NEGR1: variants seen among roughly 807,000 people sequenced by gnomAD.
NEGR1 encodes neuronal growth regulator 1.
NEGR1 carries 10 observed loss-of-function variants against 40.9 expected under a neutral mutation model. The ratio of observed to expected loss-of-function variants is 0.24; its 90% confidence interval spans 0.15 to 0.42. The LOEUF is 0.42. NEGR1 is among the 10% of genes least tolerant of loss of function. The probability of loss-of-function intolerance (pLI) is 1.00; values close to 1 mark genes in which losing one functional copy is unlikely to be tolerated. For missense variants in NEGR1, 352 were observed against 438.9 expected, an observed-to-expected ratio of 0.80 and a Z score of 1.77; for synonymous variants, 185 against 166.8, an observed-to-expected ratio of 1.11 and a Z score of -0.84.
intron 1 of NEGR1, among the ~76,000 whole-genome samples, chr1:72,081,046 G>A (rs1360050058): frequency 1.3e-5 from 2 of 152,172 alleles, no homozygotes; most frequent in Non-Finnish European, 2.9e-5. Context: ...TAGAAGTTTT[G>A]TGAGGCTGTA....
At chr1:72,216,157 A>G (rs547579694) in intron 1 of NEGR1, among the ~76,000 whole-genome samples, 2 of 151,850 alleles carry the variant, frequency 1.3e-5, no homozygotes, top group African/African-American at 4.8e-5. Context: ...AAGTCGTACA[A>G]CGAGAATGCT....
intron 2 of NEGR1, among the ~76,000 whole-genome samples, chr1:71,862,021 A>G (rs1040157677): frequency 5.9e-5 from 9 of 152,080 alleles, no homozygotes; most frequent in Non-Finnish European, 2.9e-5. Context: ...AAGACACAAT[A>G]TTTCTTAATG....
At chr1:71,510,223 T>G (rs1647063620) in intron 6 of NEGR1, among the ~76,000 whole-genome samples, 1 of 152,198 alleles carries the variant, frequency 6.6e-6, no homozygotes, top group Non-Finnish European at 1.5e-5. Flanking sequence ...GCACAGAGAT[T>G]AATTAAAACA....
chr1:71,522,830 T>C (rs1647169890), intron 6 of NEGR1, among the ~76,000 whole-genome samples: 1 of 151,416 alleles, frequency 6.6e-6, no homozygotes, highest in Admixed American at 6.6e-5. Context: ...GCTTGCCTAA[T>C]AACTGTAATG....
chr1:71,569,379 G>C (rs1648740025), intron 6 of NEGR1, among the ~76,000 whole-genome samples: 1 of 152,080 alleles, frequency 6.6e-6, no homozygotes, highest in African/African-American at 2.4e-5. Flanking sequence ...TGAAAGAATG[G>C]GAAAGAAGGA....
chr1:72,093,659 T>A (rs2100547818), intron 1 of NEGR1, among the ~76,000 whole-genome samples: 1 of 152,318 alleles, frequency 6.6e-6, no homozygotes, highest in East Asian at 1.9e-4. Context: ...TTCTTTTTTT[T>A]AACCTAGAAA....
At chr1:72,189,133 A>G (rs2821291) in intron 1 of NEGR1, among the ~76,000 whole-genome samples, 3,316 of 151,524 alleles carry the variant, frequency 0.022, 54 homozygotes, top group African/African-American at 0.032. Flanking sequence ...TCAAATGATA[A>G]ATTGCACTTT....
At chr1:71,476,262 T>G (rs1267395538) in intron 6 of NEGR1, among the ~76,000 whole-genome samples, 1 of 152,132 alleles carries the variant, frequency 6.6e-6, no homozygotes, top group African/African-American at 2.4e-5. Flanking sequence ...TTTAAAAGAT[T>G]GTAGAATTAT....
At chr1:71,807,864 ATT>A in intron 2 of NEGR1, among the ~76,000 whole-genome samples, 1 of 152,210 alleles carries the variant, frequency 6.6e-6, no homozygotes, top group African/African-American at 2.4e-5. Flanking sequence ...ATTCTTTTTT[ATT>A]TACTTCTGTT....
At chr1:71,564,372 G>A (rs948182100) in intron 6 of NEGR1, among the ~76,000 whole-genome samples, 1 of 152,024 alleles carries the variant, frequency 6.6e-6, no homozygotes, top group Middle Eastern at 3.2e-3. Flanking sequence ...GTTAAGTAGT[G>A]GATTAAGGAT....
intron 2 of NEGR1, among the ~76,000 whole-genome samples, chr1:71,852,407 C>T (rs1017716822): frequency 2.6e-5 from 4 of 152,036 alleles, no homozygotes; most frequent in Non-Finnish European, 5.9e-5. Flanking sequence ...TTTCATCAAA[C>T]ATTAAAAAAC....
At chr1:72,145,593 G>T (rs1356539385) in intron 1 of NEGR1, among the ~76,000 whole-genome samples, 1 of 152,064 alleles carries the variant, frequency 6.6e-6, no homozygotes, top group African/African-American at 2.4e-5. Context: ...GTTAAGTATG[G>T]TTGGACTAGG....
At chr1:71,450,481 G>A (rs1214310890) in intron 6 of NEGR1, among the ~76,000 whole-genome samples, 1 of 152,086 alleles carries the variant, frequency 6.6e-6, no homozygotes, top group Non-Finnish European at 1.5e-5. Context: ...GAGATTTAAT[G>A]TTAATAGTGG....
At chr1:72,195,707 C>G (rs912528991) in intron 1 of NEGR1, among the ~76,000 whole-genome samples, 2 of 151,588 alleles carry the variant, frequency 1.3e-5, no homozygotes, top group Middle Eastern at 3.2e-3. Context: ...ATCCAGGGAC[C>G]ATATCCAATG....
chr1:71,414,244 G>C (rs1275790865), intron 6 of NEGR1, among the ~76,000 whole-genome samples: 2 of 152,122 alleles, frequency 1.3e-5, no homozygotes, highest in East Asian at 3.9e-4. Flanking sequence ...AGATCCAATT[G>C]ACAGTGTGAT....
At chr1:71,450,136 G>A (rs1646615480) in intron 6 of NEGR1, among the ~76,000 whole-genome samples, 1 of 151,746 alleles carries the variant, frequency 6.6e-6, no homozygotes, top group Non-Finnish European at 1.5e-5. Flanking sequence ...GATTACATGG[G>A]CGTGCCACCA....
chr1:71,520,186 T>C (rs910583663), intron 6 of NEGR1, among the ~76,000 whole-genome samples: 5 of 152,000 alleles, frequency 3.3e-5, no homozygotes, highest in Admixed American at 1.3e-4. Context: ...GGGATGAAAA[T>C]GACCAGTGGT....
intron 2 of NEGR1, among the ~76,000 whole-genome samples, chr1:71,933,125 CAATA>C (rs1397997048): frequency 6.6e-6 from 1 of 151,962 alleles, no homozygotes; most frequent in African/African-American, 2.4e-5. Flanking sequence ...AAGGAACATT[CAATA>C]AGTACATTCG....
At chr1:72,151,812 T>C (rs1055547104) in intron 1 of NEGR1, among the ~76,000 whole-genome samples, 2 of 151,798 alleles carry the variant, frequency 1.3e-5, no homozygotes, top group African/African-American at 2.4e-5. Flanking sequence ...TGTCTTTATA[T>C]AATAAAAGGA....
Sources: allele counts gnomAD v4.1 joint callset (sites outside exome capture counted in the v4.1 genomes callset), GRCh38; gene constraint gnomAD v4.1.1; transcripts MANE v1.5; gene names NCBI Gene and HGNC (gene_info 2026-07-23, HGNC 2026-07-21).